Variants in ZNF93 observed in about 807,000 individuals in gnomAD.
The protein encoded by ZNF93 is zinc finger protein 505.
ZNF93 carries 29 observed loss-of-function variants against 45.0 expected under a neutral mutation model. The ratio of observed to expected loss-of-function variants is 0.64; its 90% CI spans 0.48 to 0.88. The LOEUF is 0.88. Ranked by LOEUF, ZNF93 falls within the 40% of genes least tolerant of loss-of-function variation. ZNF93 has a pLI of 0.00. For synonymous variants in ZNF93, 223 were observed against 244.6 expected (o/e 0.91, Z 0.82); for missense variants, 578 against 724.0 (o/e 0.80, Z 2.31).
At chr19:19,919,316 C>T (rs1183446136) in intron 3 of ZNF93, among the ~76,000 whole-genome samples, 2 of 152,130 alleles carry the variant, frequency 1.3e-5, no homozygotes, top group Non-Finnish European at 2.9e-5. Context: ...GTCTATATCT[C>T]TGTTTTGGTA....
chr19:19,913,101 T>C (rs2063314158), intron 1 of ZNF93, among the ~76,000 whole-genome samples: 1 of 150,700 alleles, frequency 6.6e-6, no homozygotes, highest in African/African-American at 2.5e-5. Flanking sequence ...CTCTAACTAA[T>C]GCTCATAATG....
intron 1 of ZNF93, among the ~76,000 whole-genome samples, chr19:19,903,684 A>G (rs919486541): frequency 2.6e-5 from 4 of 151,760 alleles, no homozygotes; most frequent in Admixed American, 1.3e-4. Flanking sequence ...GAGAATCGCT[A>G]GAACCCGAGA....
intron 3 of ZNF93, chr19:19,926,979 T>A (rs1349394616): frequency 2.5e-6 from 1 of 392,196 alleles, no homozygotes; most frequent in African/African-American, 2.1e-5. Flanking sequence ...AAGAAACACT[T>A]TTGTGATTTG....
At position 19,934,075 on chromosome 19, in the gene ZNF93, T is replaced by G. The variant is rs764800179; in HGVS notation, c.1120T>G (p.Cys374Gly). The change falls in exon 4 of 4, where the codon TGT (cysteine) becomes GGT (glycine). Residue 374 changes from cysteine to glycine, a missense_variant. Cys to Gly is a radical substitution (Grantham distance 159, BLOSUM62 -3). Around this residue, in one of 3 missense-constraint regions of ZNF93, gnomAD observed 446 missense variants for 547.6 expected, o/e 0.81. Transcript: ENST00000343769. Reference protein sequence around the residue: ...MGKKHYKCEECGKAFIWSSVL... With the variant: ...MGKKHYKCEEGGKAFIWSSVL... ...AAAGAAACATTACAAATGTGAAGAA[T>G]GTGGCAAAGCCTTCATTTGGTCCTC... 6.2e-7 allele frequency: 1 copy of G among 1,612,868 alleles called. No homozygotes were observed. The highest frequency in any genetic ancestry group is 8.5e-7 in the Non-Finnish European group (1 of 1,179,676).
chr19:19,921,827 CTA>C (rs2063343233), intron 3 of ZNF93, among the ~76,000 whole-genome samples: 1 of 151,842 alleles, frequency 6.6e-6, no homozygotes, highest in East Asian at 1.9e-4. Flanking sequence ...TATTTTGAGC[CTA>C]TGTGTGTCTC....
At chr19:19,915,517 A>G (rs942977573) in intron 2 of ZNF93, 111 bp downstream of exon 2, 2 of 1,395,008 alleles carry the variant, frequency 1.4e-6, no homozygotes, top group South Asian at 2.9e-5. Flanking sequence ...TTTCAGATCC[A>G]TTTTTTCCAG....
At chr19:19,931,815 T>C (rs2063375225) in intron 3 of ZNF93, among the ~76,000 whole-genome samples, 1 of 152,230 alleles carries the variant, frequency 6.6e-6, no homozygotes, top group Non-Finnish European at 1.5e-5. Flanking sequence ...GCTTTGATTA[T>C]ATTTTATTTT....
chr19:19,927,008 A>G (rs2063358152), intron 3 of ZNF93: 1 of 396,318 alleles, frequency 2.5e-6, no homozygotes, highest in South Asian at 1.4e-4. Context: ...TTTCAAAAAG[A>G]TTTATAATTC....
intron 3 of ZNF93, among the ~76,000 whole-genome samples, chr19:19,930,800 A>C (rs1463341394): frequency 6.6e-6 from 1 of 151,854 alleles, no homozygotes; most frequent in Non-Finnish European, 1.5e-5. Context: ...ATATAATCAT[A>C]TCTAAGATCT....
intron 3 of ZNF93, among the ~76,000 whole-genome samples, chr19:19,929,529 A>G (rs6511060): frequency 0.18 from 27,222 of 152,186 alleles, 4,914 homozygotes; most frequent in African/African-American, 0.46. Flanking sequence ...ACATATACAT[A>G]TAGATAGATA....
At position 19,915,336 on chromosome 19, in the gene ZNF93, C is replaced by G; in HGVS notation, c.60C>G (p.Cys20Trp). The part of the protein sequence containing the change: ...AIEFSLEEWH[C>W]LDTAQRNLYR... ...AATTCTCTCTGGAGGAGTGGCATTG[C>G]CTGGACACTGCACAGCGGAATCTAT... Residue 20 changes from cysteine (C) to tryptophan (W), a missense_variant, in exon 2 of 4, where the codon TGC becomes TGG. By Grantham distance (215) the Cys-to-Trp change is radical. This residue lies in a region of ZNF93 where 446 missense variants were observed against 547.6 expected (regional missense o/e 0.81). Transcript: ENST00000343769. 1 of 1,613,988 alleles carries G rather than the reference C, an allele frequency of 6.2e-7. No individual in the cohort carries two copies. The highest frequency in any genetic ancestry group is 8.5e-7 in the Non-Finnish European group (1 of 1,179,972).
At chr19:19,918,419 C>T (rs937323389) in intron 3 of ZNF93, among the ~76,000 whole-genome samples, 2 of 152,106 alleles carry the variant, frequency 1.3e-5, no homozygotes, top group Non-Finnish European at 2.9e-5. Flanking sequence ...CATACGTGTG[C>T]ATGTGTCTTT....
chr19:19,901,533 G>C (rs1382943925), intron 1 of ZNF93, among the ~76,000 whole-genome samples: 2 of 152,306 alleles, frequency 1.3e-5, no homozygotes, highest in East Asian at 3.9e-4. Context: ...GCAGCAGTTT[G>C]GGAGGCCGAG....
intron 3 of ZNF93, among the ~76,000 whole-genome samples, chr19:19,929,999 A>AAAG (rs995588470): frequency 6.6e-6 from 1 of 152,056 alleles, no homozygotes; most frequent in Middle Eastern, 3.4e-3. Context: ...CAAAGAGATA[A>AAAG]AAGACAGCTG....
chr19:19,914,901 A>C lies in ZNF93; in HGVS notation c.4-379A>C, dbSNP rs541473200. On this transcript the variant is annotated intron_variant, in intron 1 of 3. Transcript: ENST00000343769. ...AAAACCCCCGCATAACAAGGTCTTCAGCTTATTGTACATATTAAAATTTGA... is the reference window on the plus strand; with the variant it reads ...AAAACCCCCGCATAACAAGGTCTTCCGCTTATTGTACATATTAAAATTTGA... 9.1e-6 allele frequency: 3 copies of C among 329,006 alleles called. No homozygotes were observed. The East Asian group carries it at 2.9e-4, about 32-fold the overall frequency. The allele number at this position is 329,006 out of a possible 1,614,324, so 20.4% of individuals were successfully genotyped here.
Position 19,913,882 on chromosome 19 carries a change from C to T in ZNF93, c.4-1398C>T, listed in dbSNP as rs185332873. Among the ~76,000 whole-genome samples, 612 of 152,342 alleles carry T rather than the reference C, an allele frequency of 4.0e-3. 4 individuals carry two copies. The highest frequency in any genetic ancestry group is 0.014 in the African/African-American group (578 of 41,576). On this transcript the variant is annotated intron_variant, in intron 1 of 3. Transcript: ENST00000343769. ...TGTCAGATGAAGAGCTGTGTCCACTCTGCCTCCTGGACTGCCATGCGTTTA... is the reference window on the plus strand; with the variant it reads ...TGTCAGATGAAGAGCTGTGTCCACTTTGCCTCCTGGACTGCCATGCGTTTA...
At chr19:19,919,335 A>G (rs986310187) in intron 3 of ZNF93, among the ~76,000 whole-genome samples, 1 of 152,188 alleles carries the variant, frequency 6.6e-6, no homozygotes, top group Non-Finnish European at 1.5e-5. Flanking sequence ...TACCAGTACC[A>G]TGCTGTTTTG....
At chr19:19,908,802 CA>C (rs1849295562) in intron 1 of ZNF93, 1 of 127,332 alleles carries the variant, frequency 7.9e-6, no homozygotes, top group African/African-American at 2.9e-5. Context: ...GAGATCGCAC[CA>C]TTGCACTCTA....
At chr19:19,927,811 C>T (rs1048177192) in intron 3 of ZNF93, among the ~76,000 whole-genome samples, 1 of 152,166 alleles carries the variant, frequency 6.6e-6, no homozygotes, top group African/African-American at 2.4e-5. Context: ...TGCAGTGGTG[C>T]AATCTCAGCT....
Sources: gnomAD v4.1 joint callset for allele counts (sites outside exome capture counted in the v4.1 genomes callset) on GRCh38, gnomAD v4.1.1 for gene constraint, gnomAD v4.1.1 regional missense constraint, MANE v1.5 for transcripts, NCBI Gene and HGNC (gene_info 2026-07-23, HGNC 2026-07-21) for gene names.